The following DAPK2 variants were observed in gnomAD, a reference collection of about 807,000 sequenced individuals.
The protein encoded by DAPK2 is death-associated protein kinase 2.
DAPK2 carries 35 observed loss-of-function variants against 44.1 expected under a neutral mutation model. The ratio of observed to expected loss-of-function variants is 0.79; its 90% CI spans 0.61 to 1.05. DAPK2 has a LOEUF of 1.05. Among genes scored for constraint, DAPK2 ranks in the 50% least tolerant of loss-of-function variants. The pLI is 0.00. For synonymous variants in DAPK2, 174 were observed against 182.6 expected (o/e 0.95, Z 0.38); for missense variants, 453 against 483.2 (o/e 0.94, Z 0.59).
At chr15:63,971,115 GT>G (rs1200656181) in intron 3 of DAPK2, among the ~76,000 whole-genome samples, 1 of 152,206 alleles carries the variant, frequency 6.6e-6, no homozygotes, top group Non-Finnish European at 1.5e-5. Context: ...TTGGTTTCAA[GT>G]TTCCTGTCAC....
exon 3 of DAPK2, chr15:63,971,456 A>C: frequency 1.2e-6 from 2 of 1,614,140 alleles, no homozygotes; most frequent in South Asian, 2.2e-5. Flanking sequence ...TCTTTGTGTG[A>C]AGGTAGTTCA....
intron 1 of DAPK2, among the ~76,000 whole-genome samples, chr15:64,006,457 G>T (rs949889838): frequency 1.3e-5 from 2 of 152,038 alleles, no homozygotes; most frequent in African/African-American, 4.8e-5. Context: ...ACCAGCTAAG[G>T]ACGTACAACA....
intron 1 of DAPK2, among the ~76,000 whole-genome samples, chr15:64,001,170 C>A (rs2079075919): frequency 6.6e-6 from 1 of 151,802 alleles, no homozygotes; most frequent in African/African-American, 2.4e-5. Context: ...AGCCACTGCA[C>A]CCGGCCAGAG....
chr15:63,924,543 G>T, intron 8 of DAPK2: 1 of 416,790 alleles, frequency 2.4e-6, no homozygotes, highest in East Asian at 4.1e-5. Flanking sequence ...GTGTAAGTTG[G>T]CCCCAAAGAA....
intron 2 of DAPK2, among the ~76,000 whole-genome samples, chr15:63,979,078 A>G (rs1567247115): frequency 6.6e-6 from 1 of 152,210 alleles, no homozygotes; most frequent in East Asian, 1.9e-4. Flanking sequence ...CCACCACGGT[A>G]TCGCTTTCCA....
intron 3 of DAPK2, among the ~76,000 whole-genome samples, chr15:63,952,958 C>T (rs1190785815): frequency 2.0e-5 from 3 of 151,784 alleles, no homozygotes; most frequent in Non-Finnish European, 4.4e-5. Context: ...CTGGCCTGGC[C>T]CCTCTACCCT....
intron 8 of DAPK2, chr15:63,918,057 C>G (rs2078975177): frequency 6.6e-6 from 1 of 152,160 alleles, no homozygotes. Context: ...GTGAACATGC[C>G]CACTGCTGGG....
chr15:63,958,605 A>T (rs77504071), intron 3 of DAPK2, among the ~76,000 whole-genome samples: 143,324 of 152,282 alleles, frequency 0.94, 67,582 homozygotes, highest in East Asian at 1. Context: ...ATTTATTAAA[A>T]AGGGAATCCT....
At chr15:63,924,472 T>G (rs968050491) in intron 8 of DAPK2, 2 of 216,778 alleles carry the variant, frequency 9.2e-6, no homozygotes, top group Non-Finnish European at 1.8e-5. Context: ...TTTCTACACC[T>G]GGGGAGTCCT....
chr15:63,965,213 A>C (rs1281951508), intron 3 of DAPK2, among the ~76,000 whole-genome samples: 1 of 152,224 alleles, frequency 6.6e-6, no homozygotes, highest in Non-Finnish European at 1.5e-5. Flanking sequence ...CAGACTTGTA[A>C]AGGTACTGCC....
In DAPK2 at chr15:64,036,313, A is replaced by ATG. The variant is rs1567290038; in HGVS notation, c.92+3856_92+3857insCA. On this transcript the variant is annotated intron_variant, in intron 1 of 10. Transcript: ENST00000261891. Reference sequence around the variant, plus strand: ...TGTGTGTGTGTGTGTGTGTGTGTATATATATGTATATATATATATATATAC... The same window carrying ATG: ...TGTGTGTGTGTGTGTGTGTGTGTATATGTATATGTATATATATATATATATAC... 1.6e-4 allele frequency among the ~76,000 whole-genome samples: 16 copies of ATG among 98,592 alleles called. 1 individual carries two copies. Among genetic ancestry groups the ATG allele is most frequent in the Admixed American group, 1.2e-3 (9 of 7,642 alleles). 64.7% of individuals were successfully genotyped at this position (98,592 alleles called of 152,430 possible).
intron 3 of DAPK2, among the ~76,000 whole-genome samples, chr15:63,957,797 A>T (rs2077769262): frequency 6.6e-6 from 1 of 152,154 alleles, no homozygotes; most frequent in African/African-American, 2.4e-5. Context: ...TGCTGTTGTG[A>T]ATAGTGCCGC....
intron 4 of DAPK2, among the ~76,000 whole-genome samples, chr15:63,937,291 T>C (rs1336366080): frequency 1.3e-5 from 2 of 152,338 alleles, no homozygotes; most frequent in Non-Finnish European, 2.9e-5. Flanking sequence ...CAACTCTGTG[T>C]TGAGTGACAA....
chr15:63,943,448 C>T (rs1353874975), intron 3 of DAPK2, among the ~76,000 whole-genome samples: 1 of 152,022 alleles, frequency 6.6e-6, no homozygotes, highest in Non-Finnish European at 1.5e-5. Flanking sequence ...GAAAAGAAAC[C>T]GAGACTATAA....
chr15:64,004,477 T>C (rs1305690953), intron 1 of DAPK2, among the ~76,000 whole-genome samples: 10 of 152,230 alleles, frequency 6.6e-5, no homozygotes, highest in African/African-American at 2.2e-4. Context: ...TCATAATCTA[T>C]GGCTTGCCTC....
chr15:64,007,340 C>T (rs760217213), intron 1 of DAPK2, among the ~76,000 whole-genome samples: 5 of 152,058 alleles, frequency 3.3e-5, no homozygotes, highest in Non-Finnish European at 7.4e-5. Context: ...GTCCCCTCAG[C>T]CTGTTTTCTG....
chr15:63,967,678 GAGACTCTGTCTCA>G (rs1402508448), intron 3 of DAPK2, among the ~76,000 whole-genome samples: 1 of 152,148 alleles, frequency 6.6e-6, no homozygotes, highest in Non-Finnish European at 1.5e-5. Flanking sequence ...GCAACAGAGC[GAGACTCTGTCTCA>G]AAAAGAAAAA....
chr15:63,974,591 T>C lies in DAPK2; in HGVS notation c.315-3030A>G, dbSNP rs113786257. Among the ~76,000 whole-genome samples, 810 of 152,316 alleles carry C rather than the reference T, an allele frequency of 5.3e-3. 5 individuals carry two copies. Among genetic ancestry groups the C allele is most frequent in the Non-Finnish European group, 9.8e-3 (667 of 68,024 alleles). On this transcript the variant is annotated intron_variant, in intron 2 of 10. Coordinates refer to ENST00000261891, the Ensembl canonical transcript of DAPK2. Reference sequence around the variant, plus strand: ...GTTATGGAGACCAAGGTTTTTATTATGTAGATGAAGTCTCACAGGTGGCTG... The same window carrying C: ...GTTATGGAGACCAAGGTTTTTATTACGTAGATGAAGTCTCACAGGTGGCTG...
chr15:63,982,954 G>A (rs1262821444), intron 2 of DAPK2, among the ~76,000 whole-genome samples: 1 of 152,216 alleles, frequency 6.6e-6, no homozygotes. Context: ...TTTAAAGATT[G>A]AACAAGACGA....
Sources: gnomAD v4.1 joint callset for allele counts (sites outside exome capture counted in the v4.1 genomes callset) on GRCh38, gnomAD v4.1.1 for gene constraint, MANE v1.5 for transcripts, NCBI Gene and HGNC (gene_info 2026-07-23, HGNC 2026-07-21) for gene names.